Variants in DAB1 observed in about 807,000 individuals in gnomAD.
DAB1 encodes DAB adaptor protein 1, also known as disabled homolog 1.
In DAB1, 15 loss-of-function variants were observed where a neutral mutation model predicts 64.6. That is an observed-to-expected ratio of 0.23 (90% CI 0.16 to 0.36). The LOEUF is 0.36. DAB1 is among the 10% of genes least tolerant of loss of function. The pLI, the probability that DAB1 is intolerant of heterozygous loss-of-function variation, is 1.00. For missense variants in DAB1, 596 were observed against 706.7 expected (o/e 0.84, Z 1.78); for synonymous variants, 235 against 251.9 (o/e 0.93, Z 0.64).
chr1:57,493,393 T>C (rs1221454895), intron 7 of DAB1, among the ~76,000 whole-genome samples: 3 of 152,200 alleles, frequency 2.0e-5, no homozygotes, highest in Non-Finnish European at 4.4e-5. Context: ...ACAGTATTTG[T>C]CCTTTTAAGT....
intron 7 of DAB1, among the ~76,000 whole-genome samples, chr1:57,598,447 G>T (rs979043374): frequency 6.6e-6 from 1 of 152,216 alleles, no homozygotes. Context: ...AACCTGTCTT[G>T]TGGGTGTATT....
intron 5 of DAB1, among the ~76,000 whole-genome samples, chr1:58,125,441 CTTT>C (rs56791592): frequency 2.9e-5 from 4 of 138,322 alleles, no homozygotes; most frequent in East Asian, 2.1e-4. Context: ...TCACTTGATA[CTTT>C]TTTTTTTTTT....
intron 4 of DAB1, among the ~76,000 whole-genome samples, chr1:58,306,964 C>G (rs928326243): frequency 7.2e-5 from 11 of 152,110 alleles, no homozygotes; most frequent in African/African-American, 2.7e-4. Flanking sequence ...ATTTGTATGC[C>G]CATTTGGCAG....
intron 9 of DAB1, among the ~76,000 whole-genome samples, chr1:57,034,166 G>A (rs1428181656): frequency 6.6e-6 from 1 of 151,194 alleles, no homozygotes; most frequent in African/African-American, 2.4e-5. Flanking sequence ...TGTAATCCCA[G>A]CTACTCGGGA....
intron 2 of DAB1, among the ~76,000 whole-genome samples, chr1:57,239,087 T>C (rs17115428): frequency 0.071 from 10,854 of 152,216 alleles, 1,292 homozygotes; most frequent in African/African-American, 0.25. Flanking sequence ...TTGCTGTTGG[T>C]CAAGCCCATT....
At chr1:58,434,315 G>A (rs1644917561) in intron 3 of DAB1, among the ~76,000 whole-genome samples, 1 of 151,982 alleles carries the variant, frequency 6.6e-6, no homozygotes, top group Non-Finnish European at 1.5e-5. Flanking sequence ...GAGATGGTGA[G>A]AAGTAGTAGC....
intron 9 of DAB1, among the ~76,000 whole-genome samples, chr1:57,049,962 G>A (rs1295836021): frequency 6.6e-6 from 1 of 152,106 alleles, no homozygotes; most frequent in Non-Finnish European, 1.5e-5. Flanking sequence ...CTTCCACCAG[G>A]CAGCCCCTTT....
intron 3 of DAB1, among the ~76,000 whole-genome samples, chr1:58,452,055 C>A (rs1417864456): frequency 6.6e-6 from 1 of 151,916 alleles, no homozygotes; most frequent in Non-Finnish European, 1.5e-5. Context: ...GCCTTAGCCT[C>A]CTGAGTGGCT....
chr1:58,378,814 G>C (rs1295651308), intron 3 of DAB1, among the ~76,000 whole-genome samples: 1 of 109,656 alleles, frequency 9.1e-6, no homozygotes, highest in East Asian at 2.4e-4. Context: ...TCAGACTGCT[G>C]TGCTAGCAAT....
At chr1:57,235,974 C>T (rs753073988) in intron 2 of DAB1, among the ~76,000 whole-genome samples, 10 of 152,180 alleles carry the variant, frequency 6.6e-5, no homozygotes, top group African/African-American at 2.2e-4. Context: ...TCCTGACCTA[C>T]GTTATTCCTA....
intron 6 of DAB1, among the ~76,000 whole-genome samples, chr1:57,775,486 T>C (rs1649753913): frequency 6.6e-6 from 1 of 151,702 alleles, no homozygotes; most frequent in Non-Finnish European, 1.5e-5. Context: ...TGCACTTTAG[T>C]TTATTTTCTA....
chr1:58,484,754 C>T (rs338226), intron 3 of DAB1, among the ~76,000 whole-genome samples: 7,746 of 152,070 alleles, frequency 0.051, 661 homozygotes, highest in African/African-American at 0.18. Context: ...AGCTATCAAG[C>T]CATGAAAAGA....
rs1187215192 is a variant in DAB1 at position 58,377,926 on chromosome 1, C to A, written n.258-34523G>T. ...ACTTCCCTTCTCGCTTCATTTCATT[C>A]ATTTCATCTTCCATTGCTGATACCC... On this transcript the variant is annotated intron_variant and non_coding_transcript_variant, in intron 3 of 20. Transcript: ENST00000485760. Among the ~76,000 whole-genome samples, 4 of 142,252 alleles carry A rather than the reference C, an allele frequency of 2.8e-5. 1 individual carries two copies. The highest frequency in any genetic ancestry group is 4.7e-5 in the Non-Finnish European group (3 of 63,630). 93.3% of individuals were successfully genotyped at this position (142,252 alleles called of 152,430 possible). A position where few individuals can be genotyped will look rare whatever the true frequency, so the allele number is the denominator to read the frequency against.
intron 5 of DAB1, among the ~76,000 whole-genome samples, chr1:58,125,248 T>A (rs1652990767): frequency 6.6e-6 from 1 of 152,160 alleles, no homozygotes; most frequent in African/African-American, 2.4e-5. Context: ...ATTTGTTTAT[T>A]TGTTTGTACA....
intron 1 of DAB1, among the ~76,000 whole-genome samples, chr1:57,393,217 G>C (rs1682531476): frequency 6.6e-6 from 1 of 152,050 alleles, no homozygotes; most frequent in Non-Finnish European, 1.5e-5. Flanking sequence ...AACTCATAGG[G>C]GTGTTATGAC....
intron 4 of DAB1, among the ~76,000 whole-genome samples, chr1:58,249,647 C>CG (rs1366674783): frequency 3.3e-5 from 5 of 152,080 alleles, no homozygotes; most frequent in African/African-American, 9.7e-5. Context: ...CTGAACCCCC[C>CG]GGAAGTCTCG....
intron 5 of DAB1, among the ~76,000 whole-genome samples, chr1:58,094,424 T>C (rs1174026159): frequency 6.6e-6 from 1 of 152,230 alleles, no homozygotes; most frequent in Non-Finnish European, 1.5e-5. Context: ...ACTTCCTCAT[T>C]TGTTTTGCTT....
intron 4 of DAB1, among the ~76,000 whole-genome samples, chr1:58,250,720 C>T (rs1012644224): frequency 1.3e-5 from 2 of 152,212 alleles, no homozygotes; most frequent in African/African-American, 2.4e-5. Context: ...ACAGTGAGGT[C>T]TACAACTTGC....
In DAB1 at chr1:57,731,947, G is replaced by A. The variant is rs572602222; in HGVS notation, n.552-82282C>T. On this transcript the variant is annotated intron_variant and non_coding_transcript_variant, in intron 6 of 20. Coordinates refer to the DAB1 transcript ENST00000485760. The stretch of plus-strand genomic sequence containing the variant: ...TCCTTCTTCATAATAATATGCATCC[G>A]AGCAAGGGACCAACTGCATTTCAGA... Among the ~76,000 whole-genome samples the A allele has an allele frequency of 7.2e-5, 11 of 152,152 alleles. No individual in the cohort carries two copies. In the South Asian group the frequency reaches 8.3e-4, roughly 11 times the overall value.
Sources: allele counts gnomAD v4.1 joint callset (sites outside exome capture counted in the v4.1 genomes callset), GRCh38; gene constraint gnomAD v4.1.1; transcripts MANE v1.5; gene names NCBI Gene and HGNC (gene_info 2026-07-23, HGNC 2026-07-21).